GSC: variants seen among roughly 807,000 people sequenced by gnomAD.
GSC encodes homeobox protein goosecoid.
A neutral mutation model predicts 24.5 loss-of-function variants in GSC; 13 were observed. The ratio of observed to expected loss-of-function variants is 0.53; its 90% confidence interval spans 0.35 to 0.84. GSC has a LOEUF of 0.84. Among genes scored for constraint, GSC ranks in the 40% least tolerant of loss-of-function variants. GSC has a pLI of 0.01. For synonymous variants in GSC, 199 were observed against 182.1 expected (o/e 1.09, Z -0.75); for missense variants, 382 against 384.2 (o/e 0.99, Z 0.05).
Position 94,769,114 on chromosome 14 carries a change from G to A in GSC, c.459C>T (p.Asn153=), listed in dbSNP as rs1171180927. ...GCCGCTTCCGCCGACAGTGCAGCTGGTTGAGAAGCTGCAGCTCGGTGCGCG... is the reference window on the plus strand; with the variant it reads ...GCCGCTTCCGCCGACAGTGCAGCTGATTGAGAAGCTGCAGCTCGGTGCGCG... ...TLSRTELQLL[N]QLHCRRKRRH... is the part of the protein sequence containing the mutation. The change falls in exon 2 of 3, where the codon AAC becomes AAT. Residue 153 remains asparagine (N), a synonymous_variant. Transcript: ENST00000238558. 3.2e-6 allele frequency: 5 copies of A among 1,586,598 alleles called. No individual in the cohort carries two copies. Among genetic ancestry groups the A allele is most frequent in the Non-Finnish European group, 3.4e-6 (4 of 1,167,024 alleles).
rs887408861 is a variant in GSC at position 94,769,932 on chromosome 14, G to A, written c.84C>T (p.Ser28=). Residue 28 remains serine, a synonymous_variant, in exon 1 of 3, where the codon AGC becomes AGT. Transcript: ENST00000238558. ...CCGGGAAGACGACGGGAGCCGCCGC[G>A]CTGTGCGCCACCGGCAACACCGAGT... ...CKDSVLPVAH[S]AAAPVVFPAL... 5.8e-6 allele frequency: 9 copies of A among 1,540,582 alleles called. No individual in the cohort carries two copies. In the East Asian group the frequency reaches 7.3e-5, roughly 12 times the overall value.
At chr14:94,769,527 T>G in intron 1 of GSC, 134 bp downstream of exon 1, 9 of 1,306,294 alleles carry the variant, frequency 6.9e-6, no homozygotes, top group Non-Finnish European at 8.0e-6. Context: ...GTTTGCAAAC[T>G]CCTGCGCCCG....
Position 94,769,088 on chromosome 14 carries a change from C to T in GSC, c.485G>A (p.Arg162Gln). 6.3e-7 allele frequency: 1 copy of T among 1,590,004 alleles called. No individual in the cohort carries two copies. The highest frequency in any genetic ancestry group is 8.6e-7 in the Non-Finnish European group (1 of 1,169,086). ...CTCGTCAGTGAAGATGGTGCGGTGCCGCCGCTTCCGCCGACAGTGCAGCTG... is the reference window on the plus strand; with the variant it reads ...CTCGTCAGTGAAGATGGTGCGGTGCTGCCGCTTCCGCCGACAGTGCAGCTG... ...LNQLHCRRKR[R>Q]HRTIFTDEQL... Residue 162 changes from arginine to glutamine, a missense_variant, in exon 2 of 3, where the codon CGG becomes CAG. Arg to Gln is a conservative substitution (Grantham distance 43, BLOSUM62 1). Transcript: ENST00000238558.
rs1188825452 is a variant in GSC, at chr14:94,769,938, C to T, written c.78G>A (p.Ala26=). The change falls in exon 1 of 3, where the codon GCG becomes GCA. Residue 26 remains alanine, a synonymous_variant. Coordinates refer to ENST00000238558, the MANE Select transcript of GSC (RefSeq NM_173849.3). ...PRCKDSVLPV[A]HSAAAPVVFP... is the part of the protein sequence containing the mutation. ...AGACGACGGGAGCCGCCGCGCTGTG[C>T]GCCACCGGCAACACCGAGTCCTTGC... 1.9e-6 allele frequency: 3 copies of T among 1,543,864 alleles called. No individual in the cohort carries two copies. The highest frequency in any genetic ancestry group is 2.6e-6 in the Non-Finnish European group (3 of 1,153,038).
chr14:94,768,680 G>C, intron 2 of GSC, 31 bp from the exon 3 acceptor site: 1 of 1,610,294 alleles, frequency 6.2e-7, no homozygotes, highest in Non-Finnish European at 8.5e-7. Flanking sequence ...AAACAGTTCA[G>C]ATCAAAGGCG....
chr14:94,770,007 G>A lies in GSC; in HGVS notation c.9C>T (p.Ala3=). ...GGATGTTGTCGATGCTGAACATGCT[G>A]GCGGGCATCCCCGAGCCCCGCGTCG... is the stretch of plus-strand genomic sequence containing the variant. The part of the protein sequence containing the change: MP[A]SMFSIDNILA... The change falls in exon 1 of 3, where the codon GCC becomes GCT. Residue 3 remains alanine (A), a synonymous_variant. Coordinates refer to ENST00000238558, the MANE Select transcript of GSC (RefSeq NM_173849.3). 6.4e-7 allele frequency: 1 copy of A among 1,556,548 alleles called. No homozygotes were observed. The highest frequency in any genetic ancestry group is 2.3e-5 in the East Asian group (1 of 42,610).
Position 94,769,965 on chromosome 14 carries a change from G to A in GSC, c.51C>T (p.Arg17=). Residue 17 remains arginine (R), a synonymous_variant, in exon 1 of 3, where the codon CGC becomes CGT. Transcript: ENST00000238558. ...SIDNILAARP[R]CKDSVLPVAH... is the part of the protein sequence containing the mutation. ...CCACCGGCAACACCGAGTCCTTGCA[G>A]CGCGGCCGGGCGGCTAGGATGTTGT... 1.9e-6 allele frequency: 3 copies of A among 1,555,932 alleles called. No homozygotes were observed. The highest frequency in any genetic ancestry group is 2.6e-6 in the Non-Finnish European group (3 of 1,159,266).
In GSC at chr14:94,769,865, A is replaced by G. The variant is rs1444877483; in HGVS notation, c.151T>C (p.Ser51Pro). Residue 51 changes from serine to proline, a missense_variant, in exon 1 of 3, where the codon TCC becomes CCC. Transcript: ENST00000238558. ...DSLYGASGGA[S>P]SDYGAFYPRP... is the part of the protein sequence containing the mutation. ...GGGTAGAAGGCGCCATAGTCCGAGG[A>G]GGCGCCGCCGCTGGCGCCGTAGAGC... 1 of 1,491,054 alleles carries G rather than the reference A, an allele frequency of 6.7e-7. No homozygotes were observed. Among genetic ancestry groups the G allele is most frequent in the South Asian group, 1.3e-5 (1 of 79,548 alleles). The allele number at this position is 1,491,054 out of a possible 1,614,324, so 92.4% of individuals were successfully genotyped here.
In GSC at chr14:94,768,777, G is replaced by A. The variant is rs568211957; in HGVS notation, c.616-128C>T. On this transcript the variant is annotated intron_variant, in intron 2 of 2. Transcript: ENST00000238558. ...GCCAACAAAAGGAGGGGAGCCGCTC[G>A]CTCCCGCTTCCGCGTTTTCATTCAA... is the stretch of plus-strand genomic sequence containing the variant. 77 of 1,418,320 alleles carry A rather than the reference G, an allele frequency of 5.4e-5. 1 individual carries two copies. The East Asian group carries it at 7.9e-4, about 15-fold the overall frequency. The allele number at this position is 1,418,320 out of a possible 1,614,324, so 87.9% of individuals were successfully genotyped here. A position where few individuals can be genotyped will look rare whatever the true frequency, so the allele number is the denominator to read the frequency against.
In GSC at chr14:94,769,931, C is replaced by T; in HGVS notation, c.85G>A (p.Ala29Thr). The T allele has an allele frequency of 1.3e-6, 2 of 1,540,048 alleles. No individual in the cohort carries two copies. Among genetic ancestry groups the T allele is most frequent in the Non-Finnish European group, 1.7e-6 (2 of 1,151,004 alleles). Residue 29 changes from alanine (A) to threonine (T), a missense_variant, in exon 1 of 3, where the codon GCG (alanine) becomes ACG (threonine). Physicochemically the swap from Ala to Thr is moderately conservative, Grantham distance 58 (BLOSUM62 0). Coordinates refer to ENST00000238558, the MANE Select transcript of GSC (RefSeq NM_173849.3). ...KDSVLPVAHS[A>T]AAPVVFPALH... ...GCCGGGAAGACGACGGGAGCCGCCG[C>T]GCTGTGCGCCACCGGCAACACCGAG...
At position 94,768,560 on chromosome 14, in the gene GSC, C is replaced by G. The variant is rs576276606; in HGVS notation, c.705G>C (p.Thr235=). The G allele has an allele frequency of 2.9e-5, 47 of 1,614,232 alleles. No homozygotes were observed. The South Asian group carries it at 4.8e-4, about 17-fold the overall frequency. Residue 235 remains threonine, a synonymous_variant, in exon 3 of 3, where the codon ACG becomes ACC. Coordinates refer to ENST00000238558, the MANE Select transcript of GSC (RefSeq NM_173849.3). ...TCTCCGGTGACGCCTTCGACGACGA[C>G]GTCTTGTTCCACTTCTCCGCGTTCT... The part of the protein sequence containing the change: ...ESENAEKWNK[T]SSSKASPEKR...
chr14:94,769,867 G>GCGC lies in GSC; in HGVS notation c.146_148dup (p.Gly49dup), dbSNP rs552249582. 40,418 of 1,496,184 alleles carry GCGC rather than the reference G, an allele frequency of 0.027. 639 individuals carry two copies. Among genetic ancestry groups the GCGC allele is most frequent in the Non-Finnish European group, 0.03 (34,324 of 1,131,032 alleles). 92.7% of individuals were successfully genotyped at this position (1,496,184 alleles called of 1,614,324 possible). A position where few individuals can be genotyped will look rare whatever the true frequency, so the allele number is the denominator to read the frequency against. ...GTAGAAGGCGCCATAGTCCGAGGAG[G>GCGC]CGCCGCCGCTGGCGCCGTAGAGCGA... On this transcript the variant is annotated inframe_insertion, in exon 1 of 3. Coordinates refer to ENST00000238558, the MANE Select transcript of GSC (RefSeq NM_173849.3).
chr14:94,769,987 T>C lies in GSC; in HGVS notation c.29A>G (p.Asn10Ser), dbSNP rs753305679. 15 of 1,560,786 alleles carry C rather than the reference T, an allele frequency of 9.6e-6. No homozygotes were observed. The highest frequency in any genetic ancestry group is 1.3e-5 in the Non-Finnish European group (15 of 1,162,318). MPASMFSID[N>S]ILAARPRCKD... is the part of the protein sequence containing the mutation. ...GCAGCGCGGCCGGGCGGCTAGGATG[T>C]TGTCGATGCTGAACATGCTGGCGGG... The change falls in exon 1 of 3, where the codon AAC (asparagine) becomes AGC (serine). Residue 10 changes from asparagine to serine, a missense_variant. Asn to Ser is a conservative substitution (Grantham distance 46). Coordinates refer to ENST00000238558, the MANE Select transcript of GSC (RefSeq NM_173849.3).
rs374459562 is a variant in GSC, at chr14:94,770,038, G to T, written c.-23C>A. The stretch of plus-strand genomic sequence containing the variant: ...CATCCCCGAGCCCCGCGTCGGGACC[G>T]GGGGGCGGCGGGAACGCGCCGAGGA... On this transcript the variant is annotated 5_prime_UTR_variant, in exon 1 of 3. Coordinates refer to ENST00000238558, the MANE Select transcript of GSC (RefSeq NM_173849.3). 33 of 1,533,560 alleles carry T rather than the reference G, an allele frequency of 2.2e-5. No homozygotes were observed. The highest frequency in any genetic ancestry group is 9.8e-5 in the East Asian group (4 of 40,734). The allele number at this position is 1,533,560 out of a possible 1,614,324, so 95.0% of individuals were successfully genotyped here.
chr14:94,769,228 G>T lies in GSC; in HGVS notation c.356-11C>A. 6.5e-7 allele frequency: 1 copy of T among 1,549,676 alleles called. No homozygotes were observed. On this transcript the variant is annotated splice_polypyrimidine_tract_variant and intron_variant, in intron 1 of 2. Transcript: ENST00000238558. ...CGGGGCCCTCGTAGCCTGCGACAGA[G>T]TGGGGCGCACGGTCAGCCGCCCGCC... is the stretch of plus-strand genomic sequence containing the variant.
rs747285885 is a variant in GSC, at chr14:94,769,996, C to T, written c.20G>A (p.Ser7Asn). MPASMF[S>N]IDNILAARPR... ...CCGGGCGGCTAGGATGTTGTCGATGCTGAACATGCTGGCGGGCATCCCCGA... is the reference window on the plus strand; with the variant it reads ...CCGGGCGGCTAGGATGTTGTCGATGTTGAACATGCTGGCGGGCATCCCCGA... The change falls in exon 1 of 3, where the codon AGC becomes AAC. Residue 7 changes from serine to asparagine, a missense_variant. Transcript: ENST00000238558. 6.4e-7 allele frequency: 1 copy of T among 1,559,840 alleles called. No individual in the cohort carries two copies. Among genetic ancestry groups the T allele is most frequent in the South Asian group, 1.2e-5 (1 of 85,908 alleles).
At position 94,768,281 on chromosome 14, in the gene GSC, G is replaced by C. The variant is rs1885209151; in HGVS notation, c.*210C>G. ...TAATTTAACTATAAATACTACGGTG[G>C]GGGCTAGTCGCGGGCGGCCTCGGGC... On this transcript the variant is annotated 3_prime_UTR_variant, in exon 3 of 3. Coordinates refer to ENST00000238558, the MANE Select transcript of GSC (RefSeq NM_173849.3). 1.6e-6 allele frequency: 1 copy of C among 625,278 alleles called. No individual in the cohort carries two copies. The highest frequency in any genetic ancestry group is 1.8e-5 in the African/African-American group (1 of 54,406). 38.7% of individuals were successfully genotyped at this position (625,278 alleles called of 1,614,324 possible).
Position 94,769,817 on chromosome 14 carries a change from C to T in GSC, c.199G>A (p.Ala67Thr). 1 of 1,412,436 alleles carries T rather than the reference C, an allele frequency of 7.1e-7. No individual in the cohort carries two copies. The allele number at this position is 1,412,436 out of a possible 1,614,324, so 87.5% of individuals were successfully genotyped here. ...FYPRPVAPGGAGLPAAVSGSR... is the reference protein window; with the variant it reads ...FYPRPVAPGGTGLPAAVSGSR... ...CCGCTGACCGCGGCCGGGAGGCCCG[C>T]GCCGCCGGGGGCCACGGGGCGCGGG... Residue 67 changes from alanine to threonine, a missense_variant, in exon 1 of 3, where the codon GCG becomes ACG. Ala to Thr is a moderately conservative substitution (Grantham distance 58). Transcript: ENST00000238558.
In GSC at chr14:94,769,134, T is replaced by C. The variant is rs990862083; in HGVS notation, c.439A>G (p.Thr147Ala). The C allele has an allele frequency of 8.9e-6, 14 of 1,575,216 alleles. No homozygotes were observed. The highest frequency in any genetic ancestry group is 2.7e-5 in the African/African-American group (2 of 74,230). The change falls in exon 2 of 3, where the codon ACC becomes GCC. Residue 147 changes from threonine to alanine, a missense_variant. Physicochemically the swap from Thr to Ala is moderately conservative, Grantham distance 58. Transcript: ENST00000238558. ...PYMNVGTLSR[T>A]ELQLLNQLHC... ...AGCTGGTTGAGAAGCTGCAGCTCGG[T>C]GCGCGACAGCGTGCCCACGTTCATG...
Sources: gnomAD v4.1 joint callset for allele counts on GRCh38, gnomAD v4.1.1 for gene constraint, MANE v1.5 for transcripts, NCBI Gene and HGNC (gene_info 2026-07-23, HGNC 2026-07-21) for gene names.